The following GRB14 variants were observed in gnomAD, a reference collection of about 807,000 sequenced individuals.
GRB14 encodes the protein growth factor receptor bound protein 14.
GRB14 carries 38 observed loss-of-function variants against 69.1 expected under a neutral mutation model. The ratio of observed to expected loss-of-function variants is 0.55; its 90% CI spans 0.42 to 0.72. The LOEUF (loss-of-function observed/expected upper bound fraction) is 0.72, where lower values mean the gene tolerates loss of function less well. Among genes scored for constraint, GRB14 ranks in the 30% least tolerant of loss-of-function variants. The pLI, the probability that GRB14 is intolerant of heterozygous loss-of-function variation, is 0.00. For missense variants in GRB14, 666 were observed against 666.1 expected (o/e 1.00, Z 0.00); for synonymous variants, 247 against 241.3 (o/e 1.02, Z -0.22).
chr2:164,512,612 G>C (rs1672115689), intron 6 of GRB14, among the ~76,000 whole-genome samples: 1 of 152,188 alleles, frequency 6.6e-6, no homozygotes, highest in African/African-American at 2.4e-5. Context: ...CCAGGGCCTT[G>C]AGCAAACATA....
At chr2:164,568,245 AAC>A in intron 2 of GRB14, 1 of 952,774 alleles carries the variant, frequency 1.0e-6, no homozygotes, top group Non-Finnish European at 1.5e-6. Flanking sequence ...TGTATTAATA[AAC>A]ACACAGTAAC....
At chr2:164,577,720 T>C (rs1574326524) in intron 2 of GRB14, among the ~76,000 whole-genome samples, 1 of 152,150 alleles carries the variant, frequency 6.6e-6, no homozygotes, top group African/African-American at 2.4e-5. Context: ...TTTAAAAAGG[T>C]GCTGACAGAC....
At chr2:164,619,964 G>A in intron 1 of GRB14, 145 bp from the exon 2 acceptor site, 3 of 614,568 alleles carry the variant, frequency 4.9e-6, no homozygotes, top group Non-Finnish European at 8.5e-6. Context: ...AAAGGTCTGT[G>A]ATGTACTTTC....
chr2:164,529,966 T>C (rs1687880488), intron 3 of GRB14, among the ~76,000 whole-genome samples: 1 of 152,202 alleles, frequency 6.6e-6, no homozygotes, highest in Admixed American at 6.5e-5. Flanking sequence ...AATTTTGTAG[T>C]GGAGAAGACA....
chr2:164,563,546 A>T (rs1019904640), intron 2 of GRB14, among the ~76,000 whole-genome samples: 2 of 152,220 alleles, frequency 1.3e-5, no homozygotes, highest in African/African-American at 4.8e-5. Flanking sequence ...TTCTCTGTGC[A>T]AAGACTGTAA....
intron 1 of GRB14, 131 bp downstream of exon 1, chr2:164,620,988 G>T: frequency 1.4e-6 from 1 of 714,852 alleles, no homozygotes; most frequent in Non-Finnish European, 1.9e-6. Flanking sequence ...AGCTCAAAGG[G>T]GATTGTCTTC....
intron 2 of GRB14, among the ~76,000 whole-genome samples, chr2:164,566,800 C>T (rs1688986629): frequency 6.6e-6 from 1 of 152,022 alleles, no homozygotes; most frequent in Admixed American, 6.6e-5. Flanking sequence ...GAATTATAGA[C>T]ACAAATAAGA....
At position 164,547,833 on chromosome 2, in the gene GRB14, A is replaced by G. The variant is rs780792677; in HGVS notation, c.325-17T>C. The G allele has an allele frequency of 1.9e-6, 3 of 1,569,810 alleles. No individual in the cohort carries two copies. Among genetic ancestry groups the G allele is most frequent in the Admixed American group, 1.8e-5 (1 of 56,358 alleles). ...TTTAATCACCTGTGTAGGTAGAAAC[A>G]AGAAAAAGACCTAAAATATTCCTGT... On this transcript the variant is annotated splice_polypyrimidine_tract_variant and intron_variant, in intron 2 of 13. Transcript: ENST00000263915.
intron 6 of GRB14, among the ~76,000 whole-genome samples, chr2:164,512,555 GAAGGACAC>G (rs916633335): frequency 6.6e-6 from 1 of 152,238 alleles, no homozygotes; most frequent in Admixed American, 6.5e-5. Context: ...TGCCCTGAGG[GAAGGACAC>G]AAGCCTGGCA....
chr2:164,510,496 T>G (rs1687312371), intron 6 of GRB14, among the ~76,000 whole-genome samples: 2 of 152,070 alleles, frequency 1.3e-5, no homozygotes, highest in Admixed American at 1.3e-4. Context: ...TTAACTAAAT[T>G]TAGAACTAAA....
chr2:164,606,560 C>A (rs1464583811), intron 2 of GRB14, among the ~76,000 whole-genome samples: 1 of 152,090 alleles, frequency 6.6e-6, no homozygotes, highest in Non-Finnish European at 1.5e-5. Flanking sequence ...TCTTCTATAT[C>A]TTTCCCAAGG....
intron 3 of GRB14, among the ~76,000 whole-genome samples, chr2:164,537,278 GTT>G (rs1688103973): frequency 6.6e-6 from 1 of 152,108 alleles, no homozygotes; most frequent in African/African-American, 2.4e-5. Context: ...AAAGGCTGGG[GTT>G]TTACTTTCCT....
intron 2 of GRB14, chr2:164,568,227 G>T: frequency 1.4e-6 from 1 of 720,496 alleles, no homozygotes; most frequent in Non-Finnish European, 2.0e-6. Flanking sequence ...TGTAAGTAAA[G>T]CTTCCTATGT....
rs899584624 is a variant in GRB14 at position 164,495,352 on chromosome 2, A to T, written c.1383-828T>A. Among the ~76,000 whole-genome samples the T allele has an allele frequency of 7.9e-5, 12 of 152,208 alleles. No homozygotes were observed. The East Asian group carries it at 9.7e-4, about 12-fold the overall frequency. On this transcript the variant is annotated intron_variant, in intron 12 of 13. Transcript: ENST00000263915. ...AAGAAAGAAATCAATATATTGTTTT[A>T]AAAAAATCTTGAAATTATTTATTAA...
At chr2:164,542,125 A>T (rs1688256324) in intron 3 of GRB14, among the ~76,000 whole-genome samples, 1 of 152,102 alleles carries the variant, frequency 6.6e-6, no homozygotes, top group Non-Finnish European at 1.5e-5. Context: ...ATAAAGCCAT[A>T]CTCCTACAGC....
chr2:164,587,486 C>T (rs1249211515), intron 2 of GRB14, among the ~76,000 whole-genome samples: 9 of 152,132 alleles, frequency 5.9e-5, no homozygotes, highest in Admixed American at 1.3e-4. Flanking sequence ...AACAATGTAG[C>T]CCCTAAACAT....
intron 2 of GRB14, among the ~76,000 whole-genome samples, chr2:164,579,709 G>A (rs1257035499): frequency 6.6e-6 from 1 of 151,962 alleles, no homozygotes; most frequent in African/African-American, 2.4e-5. Flanking sequence ...CCTCAACCAT[G>A]TTAGATAAAA....
In GRB14 at chr2:164,493,018, A is replaced by AAGTC; in HGVS notation, c.*14_*17dup. The AAGTC allele has an allele frequency of 6.3e-7, 1 of 1,598,290 alleles. No homozygotes were observed. The highest frequency in any genetic ancestry group is 1.1e-5 in the South Asian group (1 of 87,836). ...AGTCCTTTTCCTTCAATAGTTTAAT[A>AAGTC]AGTCACTTCTGGCTTGTCTAGAGAG... On this transcript the variant is annotated 3_prime_UTR_variant, in exon 14 of 14. Coordinates refer to ENST00000263915, the MANE Select transcript of GRB14 (RefSeq NM_004490.3).
intron 3 of GRB14, among the ~76,000 whole-genome samples, chr2:164,546,141 A>G (rs1268228136): frequency 6.6e-6 from 1 of 152,182 alleles, no homozygotes; most frequent in Non-Finnish European, 1.5e-5. Context: ...TATGAAATGT[A>G]TTCTTCCATC....
Sources: gnomAD v4.1 joint callset for allele counts (sites outside exome capture counted in the v4.1 genomes callset) on GRCh38, gnomAD v4.1.1 for gene constraint, MANE v1.5 for transcripts, NCBI Gene and HGNC (gene_info 2026-07-23, HGNC 2026-07-21) for gene names.